Variants in SMAD9 observed in about 807,000 individuals in gnomAD.
The protein encoded by SMAD9 is SMAD family member 9, also known as MAD homolog 9.
A neutral mutation model predicts 46.1 loss-of-function variants in SMAD9; 36 were observed. The observed-to-expected ratio is 0.78, with a 90% CI of 0.60 to 1.03. SMAD9 has a LOEUF of 1.03. Among genes scored for constraint, SMAD9 ranks in the 50% least tolerant of loss-of-function variants. The pLI, the probability that SMAD9 is intolerant of heterozygous loss-of-function variation, is 0.00. For missense variants in SMAD9, 572 were observed against 599.8 expected (o/e 0.95, Z 0.48); for synonymous variants, 245 against 237.1 (o/e 1.03, Z -0.31).
intron 6 of SMAD9, chr13:36,851,992 C>G: frequency 1.0e-6 from 1 of 981,776 alleles, no homozygotes; most frequent in Non-Finnish European, 1.2e-6. Flanking sequence ...CTGTATGATT[C>G]AAATGATGCC....
intron 6 of SMAD9, chr13:36,851,811 T>C: frequency 1.0e-6 from 1 of 981,112 alleles, no homozygotes; most frequent in Non-Finnish European, 1.2e-6. Flanking sequence ...GTCTTCTGTG[T>C]CAATTGTGTA....
chr13:36,865,754 A>T lies in SMAD9; in HGVS notation c.786T>A (p.Phe262Leu). The T allele has an allele frequency of 6.2e-7, 1 of 1,613,740 alleles. No homozygotes were observed. The highest frequency in any genetic ancestry group is 8.5e-7 in the Non-Finnish European group (1 of 1,179,768). Residue 262 changes from phenylalanine (F) to leucine (L), a missense_variant, in exon 5 of 7, where the codon TTT becomes TTA. Coordinates refer to ENST00000379826, the MANE Select transcript of SMAD9 (RefSeq NM_001127217.3). ...GGGGCTCCTCGTAACAAACTGGTCG[A>T]AAGTCTGGAAGAAAACAAACCAGAG... The part of the protein sequence containing the change: ...HVVLSIPNGD[F>L]RPVCYEEPQH...
chr13:36,875,000 T>C (rs56202839), intron 2 of SMAD9, among the ~76,000 whole-genome samples: 4,546 of 151,652 alleles, frequency 0.03, 228 homozygotes, highest in African/African-American at 0.1. Flanking sequence ...TATGTAAGCA[T>C]ATTATATATT....
At chr13:36,891,933 AAAAAC>A (rs200493707) in intron 1 of SMAD9, among the ~76,000 whole-genome samples, 1,534 of 152,338 alleles carry the variant, frequency 0.01, 21 homozygotes, top group South Asian at 0.048. Flanking sequence ...TTCAGAAATT[AAAAAC>A]AAAACAAAAC....
intron 1 of SMAD9, among the ~76,000 whole-genome samples, chr13:36,907,588 T>A (rs761947081): frequency 2.0e-5 from 3 of 152,178 alleles, no homozygotes; most frequent in Non-Finnish European, 4.4e-5. Flanking sequence ...GGCAAGAGGA[T>A]GGCTTGAGCA....
chr13:36,897,480 T>G (rs994152559), intron 1 of SMAD9, among the ~76,000 whole-genome samples: 9 of 152,162 alleles, frequency 5.9e-5, no homozygotes, highest in African/African-American at 2.2e-4. Flanking sequence ...AAGCTCAACC[T>G]GCTATACAAG....
intron 5 of SMAD9, among the ~76,000 whole-genome samples, chr13:36,859,173 A>AGT: frequency 6.6e-6 from 1 of 152,314 alleles, no homozygotes; most frequent in African/African-American, 2.4e-5. Context: ...ATGTTAAAAT[A>AGT]TTTTTTAGGA....
rs748334459 is a variant in SMAD9, at chr13:36,879,409, C to T, written c.281G>A (p.Arg94His). 2.5e-6 allele frequency: 4 copies of T among 1,613,908 alleles called. No individual in the cohort carries two copies. The highest frequency in any genetic ancestry group is 3.4e-6 in the Non-Finnish European group (4 of 1,180,044). The change falls in exon 2 of 7, where the codon CGC (arginine) becomes CAC (histidine). Residue 94 changes from arginine to histidine, a missense_variant. Physicochemically the swap from Arg to His is conservative, Grantham distance 29 (BLOSUM62 0). Transcript: ENST00000379826. The part of the protein sequence containing the change: ...RKGLPHVIYC[R>H]VWRWPDLQSH... ...CTGCAGATCCGGCCAGCGCCACACGCGACAGTAAATCACATGGGGCAGGCC... is the reference window on the plus strand; with the variant it reads ...CTGCAGATCCGGCCAGCGCCACACGTGACAGTAAATCACATGGGGCAGGCC...
intron 1 of SMAD9, among the ~76,000 whole-genome samples, chr13:36,898,311 G>A (rs912862177): frequency 2.6e-5 from 4 of 151,412 alleles, no homozygotes; most frequent in African/African-American, 9.8e-5. Flanking sequence ...AAATCACCAG[G>A]CCCACATGGT....
intron 1 of SMAD9, among the ~76,000 whole-genome samples, chr13:36,915,883 A>G (rs1464630068): frequency 6.6e-6 from 1 of 152,244 alleles, no homozygotes; most frequent in African/African-American, 2.4e-5. Context: ...GAGCTTCCCA[A>G]TTAAAACGGT....
intron 1 of SMAD9, among the ~76,000 whole-genome samples, chr13:36,888,606 A>G (rs546897035): frequency 3.3e-5 from 5 of 152,222 alleles, no homozygotes; most frequent in African/African-American, 7.2e-5. Flanking sequence ...GCACTTATGT[A>G]TAACAGATGC....
At position 36,879,776 on chromosome 13, in the gene SMAD9, A is replaced by G. The variant is rs2058386903; in HGVS notation, c.-87T>C. The G allele has an allele frequency of 3.4e-6, 5 of 1,469,132 alleles. No homozygotes were observed. The Admixed American group carries it at 8.4e-5, about 25-fold the overall frequency. The allele number at this position is 1,469,132 out of a possible 1,614,324, so 91.0% of individuals were successfully genotyped here. On this transcript the variant is annotated 5_prime_UTR_variant, in exon 2 of 7. An upstream start codon of the reference 5' UTR is lost. Transcript: ENST00000379826. ...CGGCGAGTAGCTCTCCAGGGGTGGCATAGGGACCAACCCGCCCGTTCTTCT... is the reference window on the plus strand; with the variant it reads ...CGGCGAGTAGCTCTCCAGGGGTGGCGTAGGGACCAACCCGCCCGTTCTTCT...
intron 5 of SMAD9, among the ~76,000 whole-genome samples, chr13:36,858,246 A>T (rs1362087753): frequency 1.3e-5 from 2 of 152,208 alleles, no homozygotes; most frequent in Admixed American, 6.5e-5. Context: ...ATTTTTCCAG[A>T]TCCACACCAG....
At chr13:36,899,461 T>TA (rs2058555823) in intron 1 of SMAD9, among the ~76,000 whole-genome samples, 1 of 152,222 alleles carries the variant, frequency 6.6e-6, no homozygotes, top group South Asian at 2.1e-4. Flanking sequence ...GGCAAAATCT[T>TA]GACTATTGAC....
At chr13:36,883,048 T>C (rs1468024485) in intron 1 of SMAD9, among the ~76,000 whole-genome samples, 1 of 152,162 alleles carries the variant, frequency 6.6e-6, no homozygotes, top group Non-Finnish European at 1.5e-5. Flanking sequence ...TTTTAGCCAC[T>C]AGTAGAACAA....
chr13:36,889,990 T>C (rs2058476868), intron 1 of SMAD9, among the ~76,000 whole-genome samples: 1 of 152,150 alleles, frequency 6.6e-6, no homozygotes, highest in Non-Finnish European at 1.5e-5. Context: ...AAATAAGTCA[T>C]AATACATGTA....
At chr13:36,898,154 G>A (rs909988988) in intron 1 of SMAD9, among the ~76,000 whole-genome samples, 40 of 151,984 alleles carry the variant, frequency 2.6e-4, no homozygotes, top group African/African-American at 7.7e-4. Flanking sequence ...CACTGCACCC[G>A]GCCGAAATGT....
intron 2 of SMAD9, among the ~76,000 whole-genome samples, chr13:36,876,687 T>C (rs756557038): frequency 4.6e-5 from 7 of 152,282 alleles, no homozygotes; most frequent in Admixed American, 3.3e-4. Context: ...AAGTCAATTA[T>C]TGAAGTGGAT....
At position 36,865,536 on chromosome 13, in the gene SMAD9, C is replaced by T; in HGVS notation, c.1003+1G>A. 7 of 1,610,488 alleles carry T rather than the reference C, an allele frequency of 4.3e-6. No homozygotes were observed. Among genetic ancestry groups the T allele is most frequent in the African/African-American group, 1.3e-5 (1 of 74,962 alleles). On this transcript the variant is annotated splice_donor_variant, in intron 5 of 6. Transcript: ENST00000379826. LOFTEE classifies it high-confidence loss of function. The stretch of plus-strand genomic sequence containing the variant: ...TAAAGGAATAACATCTTTGCTCTTA[C>T]CCTTTCCTATATGTCTCCTGGTATT...
Sources: allele counts gnomAD v4.1 joint callset (sites outside exome capture counted in the v4.1 genomes callset), GRCh38; gene constraint gnomAD v4.1.1; transcripts MANE v1.5; gene names NCBI Gene and HGNC (gene_info 2026-07-23, HGNC 2026-07-21).